The following ACSBG2 variants were observed in gnomAD, a reference collection of about 807,000 sequenced individuals.
ACSBG2 encodes long-chain-fatty-acid--CoA ligase ACSBG2.
Under a neutral mutation model 74.7 loss-of-function variants are expected in ACSBG2, and 62 were observed. The ratio of observed to expected loss-of-function variants is 0.83; its 90% CI spans 0.68 to 1.03. The LOEUF (loss-of-function observed/expected upper bound fraction) is 1.03, where lower values mean the gene tolerates loss of function less well. Among genes scored for constraint, ACSBG2 ranks in the 50% least tolerant of loss-of-function variants. The pLI, the probability that ACSBG2 is intolerant of heterozygous loss-of-function variation, is 0.00. For missense variants in ACSBG2, 730 were observed against 817.6 expected (o/e 0.89, Z 1.31); for synonymous variants, 309 against 294.1 (o/e 1.05, Z -0.52).
At position 6,182,825 on chromosome 19, in the gene ACSBG2, A is replaced by T. The variant is rs2090297351; in HGVS notation, c.981A>T (p.Ile327=). The T allele has an allele frequency of 6.2e-7, 1 of 1,614,090 alleles. No homozygotes were observed. The highest frequency in any genetic ancestry group is 1.7e-5 in the Admixed American group (1 of 60,000). The change falls in exon 9 of 15, where the codon ATA becomes ATT. Residue 327 remains isoleucine, a synonymous_variant. Transcript: ENST00000588485. ...FIGVPQIWEK[I]HEMVKKNSAK... is the part of the protein sequence containing the mutation. Reference sequence around the variant, plus strand: ...GAGTGCCTCAAATTTGGGAGAAGATACATGAGATGGTGAAGAAAAATAGTG... The same window carrying T: ...GAGTGCCTCAAATTTGGGAGAAGATTCATGAGATGGTGAAGAAAAATAGTG...
rs1327777667 is a variant in ACSBG2, at chr19:6,178,291, AAGTTTT to A, written c.906+896_906+901del. On this transcript the variant is annotated intron_variant, in intron 8 of 14. Coordinates refer to ENST00000588485, the MANE Select transcript of ACSBG2 (RefSeq NM_030924.5). ...GTTGCCTTTCTTTTCCAGTTTGGTG[AAGTTTT>A]TGCATACATGTCCAGTTGCTCCATC... Among the ~76,000 whole-genome samples, 5 of 152,120 alleles carry A rather than the reference AAGTTTT, an allele frequency of 3.3e-5. No homozygotes were observed. The South Asian group carries it at 1.0e-3, about 32-fold the overall frequency.
In ACSBG2 at chr19:6,192,935, T is replaced by C. The variant is rs972554802; in HGVS notation, c.*303T>C. 1.3e-5 allele frequency: 2 copies of C among 152,198 alleles called. No individual in the cohort carries two copies. Among genetic ancestry groups the C allele is most frequent in the Non-Finnish European group, 2.9e-5 (2 of 68,028 alleles). 9.4% of individuals were successfully genotyped at this position (152,198 alleles called of 1,614,324 possible). On this transcript the variant is annotated 3_prime_UTR_variant, in exon 15 of 15. Transcript: ENST00000588485. ...GATTTACAAGAAAGACCTGAACTTG[T>C]GGGCTCCCATTTGATTTTTTTCTCC...
At chr19:6,160,860 G>A (rs1287159598) in intron 5 of ACSBG2, 1 of 178,140 alleles carries the variant, frequency 5.6e-6, no homozygotes, top group East Asian at 1.6e-4. Context: ...AGCACTTTGG[G>A]AGGCCGAGGC....
chr19:6,141,561 G>T lies in ACSBG2; in HGVS notation c.18G>T (p.Lys6Asn). Residue 6 changes from lysine to asparagine, a missense_variant, in exon 2 of 15, where the codon AAG becomes AAT. Lys to Asn is a moderately conservative substitution (Grantham distance 94, BLOSUM62 0). Coordinates refer to ENST00000588485, the MANE Select transcript of ACSBG2 (RefSeq NM_030924.5). ...CACCTGGAATGACTGGAACCCCAAA[G>T]ACTCAAGAAGGAGCTAAAGATCTTG... Reference protein sequence around the residue: MTGTPKTQEGAKDLEV... With the variant: MTGTPNTQEGAKDLEV... 1 of 1,612,370 alleles carries T rather than the reference G, an allele frequency of 6.2e-7. No homozygotes were observed. Among genetic ancestry groups the T allele is most frequent in the Non-Finnish European group, 8.5e-7 (1 of 1,178,412 alleles).
intron 3 of ACSBG2, among the ~76,000 whole-genome samples, chr19:6,150,218 A>T (rs900949760): frequency 2.6e-5 from 4 of 152,002 alleles, no homozygotes; most frequent in Non-Finnish European, 5.9e-5. Context: ...ACCCTTGTGC[A>T]GTGCTGGTGG....
chr19:6,176,701 G>A (rs901886791), intron 7 of ACSBG2, among the ~76,000 whole-genome samples: 4 of 151,980 alleles, frequency 2.6e-5, no homozygotes, highest in African/African-American at 9.7e-5. Flanking sequence ...TTTTTTGGGT[G>A]AAGCTCCAAA....
At chr19:6,165,136 C>T (rs967994376) in intron 6 of ACSBG2, among the ~76,000 whole-genome samples, 1 of 152,232 alleles carries the variant, frequency 6.6e-6, no homozygotes, top group African/African-American at 2.4e-5. Context: ...GCGTGGATTT[C>T]AGGCATGGCT....
At chr19:6,139,092 A>ATTT (rs5826914) in intron 1 of ACSBG2, among the ~76,000 whole-genome samples, 10 of 145,088 alleles carry the variant, frequency 6.9e-5, no homozygotes, top group African/African-American at 2.5e-4. Flanking sequence ...AATTAAACTT[A>ATTT]TTTTTTTTTT....
chr19:6,176,420 C>T (rs557995403), intron 7 of ACSBG2: 1 of 1,474,540 alleles, frequency 6.8e-7, no homozygotes. Context: ...AGTCCTTTGC[C>T]ACTGCTCCTG....
rs34759552 is a variant in ACSBG2, at chr19:6,142,752, C to CAAAA, written c.67+1155_67+1158dup. ...TGGGTGACAGAGCGAGACTCTGTCT[C>CAAAA]AAAAAAAAAAAAAAAATAGTGAAAG... On this transcript the variant is annotated intron_variant, in intron 2 of 14. Transcript: ENST00000588485. 2.3e-3 allele frequency among the ~76,000 whole-genome samples: 264 copies of CAAAA among 115,896 alleles called. 5 individuals carry two copies. Among genetic ancestry groups the CAAAA allele is most frequent in the African/African-American group, 8.7e-3 (238 of 27,476 alleles). 76.0% of individuals were successfully genotyped at this position (115,896 alleles called of 152,430 possible). A position where few individuals can be genotyped will look rare whatever the true frequency, so the allele number is the denominator to read the frequency against.
chr19:6,161,217 T>G lies in ACSBG2; in HGVS notation c.510T>G (p.Ile170Met). The change falls in exon 6 of 15, where the codon ATT (isoleucine) becomes ATG (methionine). Residue 170 changes from isoleucine (I) to methionine (M), a missense_variant and splice_region_variant. Transcript: ENST00000588485. ...NDQQLQKILS[I>M]PQSSLEPLKA... Reference sequence around the variant, plus strand: ...GCCCACAGGGAACTTTCTTTCAGATTCCACAGAGCAGCCTAGAGCCCCTAA... The same window carrying G: ...GCCCACAGGGAACTTTCTTTCAGATGCCACAGAGCAGCCTAGAGCCCCTAA... 6.2e-7 allele frequency: 1 copy of G among 1,613,116 alleles called. No individual in the cohort carries two copies. The highest frequency in any genetic ancestry group is 2.2e-5 in the East Asian group (1 of 44,856).
intron 2 of ACSBG2, among the ~76,000 whole-genome samples, chr19:6,146,195 C>T (rs1339378997): frequency 2.6e-5 from 4 of 152,188 alleles, no homozygotes; most frequent in African/African-American, 7.2e-5. Context: ...TGGAGCCAGG[C>T]GCGGTGGCTC....
intron 1 of ACSBG2, among the ~76,000 whole-genome samples, chr19:6,138,729 G>T (rs933173517): frequency 1.4e-5 from 2 of 146,568 alleles, no homozygotes; most frequent in African/African-American, 2.5e-5. Flanking sequence ...AGGAAGGGAG[G>T]GAGAGAGGAA....
At chr19:6,182,638 A>G in intron 8 of ACSBG2, 113 bp from the exon 9 acceptor site, 2 of 1,043,830 alleles carry the variant, frequency 1.9e-6, no homozygotes, top group Non-Finnish European at 2.8e-6. Context: ...GTCCTGCGTA[A>G]TCTGATCAGT....
chr19:6,143,196 C>A (rs189519957), intron 2 of ACSBG2, among the ~76,000 whole-genome samples: 1 of 151,978 alleles, frequency 6.6e-6, no homozygotes, highest in Non-Finnish European at 1.5e-5. Context: ...AGTCATGCAC[C>A]ACCGTGCCTG....
intron 4 of ACSBG2, among the ~76,000 whole-genome samples, chr19:6,154,404 G>GAA (rs2089344466): frequency 1.4e-5 from 1 of 71,640 alleles, no homozygotes; most frequent in Admixed American, 2.0e-4. Flanking sequence ...GTCTCAAAAA[G>GAA]AGAGAGAGAG....
chr19:6,191,818 C>G lies in ACSBG2; in HGVS notation c.*36-850C>G, dbSNP rs547996603. ...CGTTAACTGGTTTAACCCTTCCACA[C>G]CTTCATTTGTTGATGTCTTGTGGGT... is the stretch of plus-strand genomic sequence containing the variant. On this transcript the variant is annotated intron_variant, in intron 14 of 14. Transcript: ENST00000588485. 9 of 152,294 alleles carry G rather than the reference C, an allele frequency of 5.9e-5. No individual in the cohort carries two copies. In the South Asian group the frequency reaches 1.7e-3, roughly 28 times the overall value. 9.4% of individuals were successfully genotyped at this position (152,294 alleles called of 1,614,324 possible).
At chr19:6,166,176 T>A (rs963118267) in intron 7 of ACSBG2, among the ~76,000 whole-genome samples, 161 bp downstream of exon 7, 1 of 151,680 alleles carries the variant, frequency 6.6e-6, no homozygotes, top group African/African-American at 2.4e-5. Context: ...GGCAGCAGAG[T>A]GCAGTGATTG....
At chr19:6,156,791 T>G (rs2089438628) in intron 5 of ACSBG2, among the ~76,000 whole-genome samples, 1 of 151,860 alleles carries the variant, frequency 6.6e-6, no homozygotes, top group African/African-American at 2.4e-5. Flanking sequence ...CCTCCATTTT[T>G]TTTTTTTTTT....
Sources: gnomAD v4.1 joint callset for allele counts (sites outside exome capture counted in the v4.1 genomes callset) on GRCh38, gnomAD v4.1.1 for gene constraint, MANE v1.5 for transcripts, NCBI Gene and HGNC (gene_info 2026-07-23, HGNC 2026-07-21) for gene names.